Variants in COBL observed in about 807,000 individuals in gnomAD.
COBL encodes protein cordon-bleu.
Under a neutral mutation model 98.8 loss-of-function variants are expected in COBL, and 51 were observed. That is an observed-to-expected ratio of 0.52 (90% CI 0.41 to 0.65). COBL has a LOEUF of 0.65. COBL is among the 30% of genes least tolerant of loss of function. COBL has a pLI of 0.00. For missense variants in COBL, 1,617 were observed against 1,617.5 expected (o/e 1.00, Z 0.01); for synonymous variants, 634 against 651.7 (o/e 0.97, Z 0.41).
rs558977969 is a variant in COBL at position 51,267,964 on chromosome 7, G to A, written c.42-48020C>T. ...CCCAAATGGATCACGAAGCACACCCGGGGGCCTGTACCTCCACTTTTGAGA... is the reference window on the plus strand; with the variant it reads ...CCCAAATGGATCACGAAGCACACCCAGGGGCCTGTACCTCCACTTTTGAGA... On this transcript the variant is annotated intron_variant, in intron 1 of 12. Coordinates refer to ENST00000265136, the MANE Select transcript of COBL (RefSeq NM_015198.5). 8.2e-4 allele frequency among the ~76,000 whole-genome samples: 125 copies of A among 151,936 alleles called. No individual in the cohort carries two copies. The South Asian group carries it at 0.019, about 23-fold the overall frequency.
intron 1 of COBL, among the ~76,000 whole-genome samples, chr7:51,240,468 G>A (rs934654251): frequency 2.1e-4 from 32 of 152,186 alleles, no homozygotes; most frequent in African/African-American, 6.5e-4. Context: ...ACTTGAGTGC[G>A]GCTCAAGTGA....
intron 5 of COBL, among the ~76,000 whole-genome samples, chr7:51,148,062 A>G (rs1785204868): frequency 6.6e-6 from 1 of 152,212 alleles, no homozygotes; most frequent in Non-Finnish European, 1.5e-5. Flanking sequence ...ACACCCAGCC[A>G]CATTGATTTA....
At chr7:51,123,465 T>C (rs2128992289) in intron 6 of COBL, among the ~76,000 whole-genome samples, 1 of 152,278 alleles carries the variant, frequency 6.6e-6, no homozygotes, top group South Asian at 2.1e-4. Context: ...AGAGGCCATG[T>C]GTGGAGGTGA....
In COBL at chr7:51,016,435, A is replaced by G. The variant is rs1383477117; in HGVS notation, c.*1116T>C. ...CAGATACACATTTTATTTCATCAAC[A>G]CATCTTGATTTCTATTACTTTTTTC... On this transcript the variant is annotated 3_prime_UTR_variant, in exon 13 of 13. Coordinates refer to ENST00000265136, the MANE Select transcript of COBL (RefSeq NM_015198.5). The G allele has an allele frequency of 6.6e-6, 1 of 152,366 alleles. No individual in the cohort carries two copies. Among genetic ancestry groups the G allele is most frequent in the Non-Finnish European group, 1.5e-5 (1 of 68,176 alleles). 9.4% of individuals were successfully genotyped at this position (152,366 alleles called of 1,614,324 possible).
chr7:51,080,223 T>A (rs1793503653), intron 7 of COBL, among the ~76,000 whole-genome samples: 1 of 152,230 alleles, frequency 6.6e-6, no homozygotes, highest in Non-Finnish European at 1.5e-5. Context: ...TAGGACTTAT[T>A]TATGTCTTCT....
chr7:51,190,397 G>C (rs1017255732), intron 4 of COBL, among the ~76,000 whole-genome samples: 19 of 151,934 alleles, frequency 1.3e-4, no homozygotes, highest in Admixed American at 3.3e-4. Context: ...AAATTTTTTT[G>C]TAGAGACGGG....
chr7:51,250,254 C>T (rs1796618101), intron 1 of COBL, among the ~76,000 whole-genome samples: 1 of 152,204 alleles, frequency 6.6e-6, no homozygotes, highest in South Asian at 2.1e-4. Context: ...GTGACTGGTA[C>T]ACACTCAGAG....
chr7:51,088,837 G>C (rs755097040), intron 6 of COBL, among the ~76,000 whole-genome samples: 17 of 152,324 alleles, frequency 1.1e-4, no homozygotes, highest in Non-Finnish European at 2.1e-4. Flanking sequence ...GCTCCTGCCT[G>C]AGGGAAACTA....
Position 51,022,170 on chromosome 7 carries a change from T to G in COBL, c.3768+2939A>C, listed in dbSNP as rs1180653924. Among the ~76,000 whole-genome samples, 3 of 152,246 alleles carry G rather than the reference T, an allele frequency of 2.0e-5. 1 individual carries two copies. The highest frequency in any genetic ancestry group is 4.2e-4 in the South Asian group (2 of 4,816). On this transcript the variant is annotated intron_variant, in intron 12 of 12. Transcript: ENST00000265136. ...CCAACGTAGGACTCAGCCAAGGAAC[T>G]CAGGGCCCAGCTTTCAGCCCGGGAG...
chr7:51,256,896 T>C lies in COBL; in HGVS notation c.42-36952A>G, dbSNP rs368303605. Among the ~76,000 whole-genome samples the C allele has an allele frequency of 4.9e-4, 75 of 152,338 alleles. No individual in the cohort carries two copies. In the South Asian group the frequency reaches 0.015, roughly 30 times the overall value. ...CTTCTTAGACATGGAATTTTACATATAGCACCAGAGCAGAGCTAAGGATTC... is the reference window on the plus strand; with the variant it reads ...CTTCTTAGACATGGAATTTTACATACAGCACCAGAGCAGAGCTAAGGATTC... On this transcript the variant is annotated intron_variant, in intron 1 of 12. Coordinates refer to ENST00000265136, the MANE Select transcript of COBL (RefSeq NM_015198.5).
intron 7 of COBL, among the ~76,000 whole-genome samples, chr7:51,067,340 G>T (rs546907026): frequency 6.6e-6 from 1 of 152,314 alleles, no homozygotes; most frequent in Admixed American, 6.5e-5. Flanking sequence ...TACACCATGT[G>T]TAGGCATATA....
In COBL at chr7:51,252,642, A is replaced by G. The variant is rs73330622; in HGVS notation, c.42-32698T>C. Among the ~76,000 whole-genome samples, 418 of 152,312 alleles carry G rather than the reference A, an allele frequency of 2.7e-3. 5 individuals carry two copies. The highest frequency in any genetic ancestry group is 9.8e-3 in the African/African-American group (409 of 41,556). On this transcript the variant is annotated intron_variant, in intron 1 of 12. Coordinates refer to ENST00000265136, the MANE Select transcript of COBL (RefSeq NM_015198.5). ...AAAAGCTTTTTGGGGCAAGAACACT[A>G]CAGAGGAGTACAGGTGATTTCTCCT...
At chr7:51,244,119 G>A (rs1405083289) in intron 1 of COBL, among the ~76,000 whole-genome samples, 1 of 152,188 alleles carries the variant, frequency 6.6e-6, no homozygotes, top group East Asian at 1.9e-4. Flanking sequence ...ACACACATGT[G>A]TGCTCAGCTC....
chr7:51,288,870 C>T (rs186223177), intron 1 of COBL, among the ~76,000 whole-genome samples: 2 of 118,006 alleles, frequency 1.7e-5, no homozygotes, highest in East Asian at 8.9e-4. Flanking sequence ...ACCTACTCAA[C>T]TAATTGTATG....
At chr7:51,150,496 A>T (rs1184427921) in intron 5 of COBL, among the ~76,000 whole-genome samples, 2 of 152,188 alleles carry the variant, frequency 1.3e-5, no homozygotes, top group African/African-American at 2.4e-5. Context: ...CATCATTATT[A>T]TTACATGGCT....
At chr7:51,285,113 A>G (rs1800216964) in intron 1 of COBL, among the ~76,000 whole-genome samples, 1 of 151,942 alleles carries the variant, frequency 6.6e-6, no homozygotes, top group Admixed American at 6.6e-5. Context: ...CACCTGGCTA[A>G]TTTTTGTATT....
intron 5 of COBL, among the ~76,000 whole-genome samples, chr7:51,171,856 C>T (rs1261713656): frequency 6.6e-6 from 1 of 152,008 alleles, no homozygotes; most frequent in Non-Finnish European, 1.5e-5. Context: ...AATGTGAAAT[C>T]AAGAAAATAT....
chr7:51,038,674 C>A (rs974233277), intron 8 of COBL, among the ~76,000 whole-genome samples: 3 of 152,194 alleles, frequency 2.0e-5, no homozygotes, highest in Non-Finnish European at 4.4e-5. Flanking sequence ...CCACCTTGGC[C>A]AAGTTGATAA....
At chr7:51,111,770 G>C (rs750460159) in intron 6 of COBL, among the ~76,000 whole-genome samples, 5 of 152,202 alleles carry the variant, frequency 3.3e-5, no homozygotes, top group Non-Finnish European at 7.3e-5. Flanking sequence ...ATCCATCTGT[G>C]CTGCTCAGCA....
Sources: allele counts gnomAD v4.1 joint callset (sites outside exome capture counted in the v4.1 genomes callset), GRCh38; gene constraint gnomAD v4.1.1; transcripts MANE v1.5; gene names NCBI Gene and HGNC (gene_info 2026-07-23, HGNC 2026-07-21).